Variants in TDRD1 observed in about 807,000 individuals in gnomAD.
The protein encoded by TDRD1 is tudor domain-containing protein 1.
Under a neutral mutation model 140.6 loss-of-function variants are expected in TDRD1, and 37 were observed. The ratio of observed to expected loss-of-function variants is 0.26; its 90% CI spans 0.20 to 0.35. TDRD1 has a LOEUF of 0.35. TDRD1 is among the 10% of genes least tolerant of loss of function. The pLI is 1.00. For missense variants in TDRD1, 1,243 were observed against 1,393.0 expected (o/e 0.89, Z 1.71); for synonymous variants, 506 against 475.7 (o/e 1.06, Z -0.83).
At chr10:114,208,956 G>A (rs1245519668) in intron 11 of TDRD1, among the ~76,000 whole-genome samples, 1 of 151,844 alleles carries the variant, frequency 6.6e-6, no homozygotes, top group Non-Finnish European at 1.5e-5. Context: ...TGATTTTTTT[G>A]TATTTTTAGT....
At chr10:114,191,659 TTAAAAC>T (rs1321231107) in intron 3 of TDRD1, among the ~76,000 whole-genome samples, 4 of 152,232 alleles carry the variant, frequency 2.6e-5, no homozygotes, top group African/African-American at 9.6e-5. Context: ...CTTTTTGGCG[TTAAAAC>T]TAAAACTCTA....
At chr10:114,196,315 A>G (rs79641869) in intron 3 of TDRD1, among the ~76,000 whole-genome samples, 1,609 of 152,194 alleles carry the variant, frequency 0.011, 19 homozygotes, top group African/African-American at 0.037. Flanking sequence ...GAACTTCCTT[A>G]AGCCATTCTT....
exon 9 of TDRD1, chr10:114,204,153 A>G (rs1350675644): frequency 6.2e-6 from 10 of 1,601,970 alleles, no homozygotes; most frequent in Non-Finnish European, 7.6e-6. Context: ...ATGGAAATGA[A>G]GAAATAATTC....
intron 25 of TDRD1, among the ~76,000 whole-genome samples, chr10:114,230,623 A>G (rs942625628): frequency 6.6e-6 from 1 of 152,250 alleles, no homozygotes; most frequent in African/African-American, 2.4e-5. Context: ...CTTTTAGATC[A>G]GATCAGTTAC....
chr10:114,192,189 T>TAATGGA (rs1288445966), intron 3 of TDRD1, among the ~76,000 whole-genome samples: 1 of 151,934 alleles, frequency 6.6e-6, no homozygotes, highest in Non-Finnish European at 1.5e-5. Context: ...AGTTTTTCTT[T>TAATGGA]AATGGATTGT....
chr10:114,192,338 C>T (rs765635624), intron 3 of TDRD1, among the ~76,000 whole-genome samples: 10 of 98,682 alleles, frequency 1.0e-4, no homozygotes, highest in Non-Finnish European at 1.8e-4. Context: ...GAGTCTTGCT[C>T]TTTCACCCAG....
chr10:114,185,575 CATT>C (rs1319393720), intron 1 of TDRD1, among the ~76,000 whole-genome samples: 1 of 152,020 alleles, frequency 6.6e-6, no homozygotes, highest in Non-Finnish European at 1.5e-5. Flanking sequence ...CTGATATTAA[CATT>C]ATATCTTTTT....
intron 3 of TDRD1, 75 bp downstream of exon 3, chr10:114,191,094 T>G (rs1400506444): frequency 6.9e-7 from 1 of 1,449,972 alleles, no homozygotes; most frequent in Non-Finnish European, 9.5e-7. Flanking sequence ...AATAAAGAAG[T>G]GTTCAATTTG....
At chr10:114,189,500 C>G (rs954483796) in intron 2 of TDRD1, among the ~76,000 whole-genome samples, 1 of 152,182 alleles carries the variant, frequency 6.6e-6, no homozygotes, top group South Asian at 2.1e-4. Context: ...CAAGCAATTT[C>G]GGGTTTTAGG....
intron 16 of TDRD1, 62 bp downstream of exon 16, chr10:114,214,176 CAT>C: frequency 6.9e-7 from 1 of 1,457,172 alleles, no homozygotes; most frequent in African/African-American, 1.4e-5. Flanking sequence ...AATAACTTCA[CAT>C]GAGTTTGTTA....
intron 3 of TDRD1, among the ~76,000 whole-genome samples, chr10:114,198,593 G>A (rs565127310): frequency 1.1e-4 from 16 of 150,706 alleles, no homozygotes; most frequent in African/African-American, 3.4e-4. Flanking sequence ...TAAGTTTTCT[G>A]TCTTGCTGGT....
chr10:114,198,956 T>C (rs77774913), intron 3 of TDRD1, among the ~76,000 whole-genome samples: 1,612 of 152,336 alleles, frequency 0.011, 20 homozygotes, highest in African/African-American at 0.037. Flanking sequence ...ATGTCACTCT[T>C]TGGGTCTCCA....
intron 3 of TDRD1, 67 bp from the exon 4 acceptor site, chr10:114,199,106 C>T: frequency 6.5e-7 from 1 of 1,537,300 alleles, no homozygotes; most frequent in Non-Finnish European, 8.8e-7. Context: ...GAAGTAGTCC[C>T]AAATCTAGTA....
exon 8 of TDRD1, chr10:114,203,489 A>G (rs1564947610): frequency 6.2e-7 from 1 of 1,614,054 alleles, no homozygotes; most frequent in African/African-American, 1.3e-5. Flanking sequence ...GCTTAAAAGA[A>G]ACATATGCAA....
intron 3 of TDRD1, among the ~76,000 whole-genome samples, chr10:114,195,924 T>C (rs1198503685): frequency 1.3e-5 from 2 of 152,238 alleles, no homozygotes; most frequent in South Asian, 2.1e-4. Flanking sequence ...CCAGTGGTTG[T>C]TCTACATACG....
At chr10:114,212,085 A>C (rs1175470281) in intron 14 of TDRD1, 49 bp downstream of exon 14, 1 of 1,505,004 alleles carries the variant, frequency 6.6e-7, no homozygotes, top group African/African-American at 1.5e-5. Context: ...CTACAGATGA[A>C]GAAACATGAA....
chr10:114,213,679 G>A, intron 15 of TDRD1, 91 bp downstream of exon 15: 1 of 1,126,038 alleles, frequency 8.9e-7, no homozygotes, highest in South Asian at 1.6e-5. Flanking sequence ...AAGAATTTAT[G>A]TTGAATGCCT....
chr10:114,229,277 C>T (rs1416361395), intron 25 of TDRD1, among the ~76,000 whole-genome samples: 1 of 152,150 alleles, frequency 6.6e-6, no homozygotes, highest in East Asian at 1.9e-4. Context: ...CTATAATACT[C>T]TTCATGAATC....
Position 114,190,637 on chromosome 10 carries a change from A to T in TDRD1, c.326-324A>T, listed in dbSNP as rs550309650. 1.1e-3 allele frequency among the ~76,000 whole-genome samples: 174 copies of T among 152,282 alleles called. 2 individuals carry two copies. Among genetic ancestry groups the T allele is most frequent in the African/African-American group, 4.1e-3 (172 of 41,562 alleles). ...TGAGTAATTGGGATTACAAGAGTGC[A>T]CCACCATGCCCAGCTAATTTTTGTA... On this transcript the variant is annotated intron_variant, in intron 2 of 25. Transcript: ENST00000251864.
Sources: gnomAD v4.1 joint callset for allele counts (sites outside exome capture counted in the v4.1 genomes callset) on GRCh38, gnomAD v4.1.1 for gene constraint, MANE v1.5 for transcripts, NCBI Gene and HGNC (gene_info 2026-07-23, HGNC 2026-07-21) for gene names.